The following RFX4 variants were observed in gnomAD, a reference collection of about 807,000 sequenced individuals.
RFX4 encodes the protein transcription factor RFX4.
Under a neutral mutation model 95.0 loss-of-function variants are expected in RFX4, and 10 were observed. The ratio of observed to expected loss-of-function variants is 0.11; its 90% CI spans 0.06 to 0.18. The LOEUF is 0.18. Ranked by LOEUF, RFX4 falls within the 10% of genes least tolerant of loss-of-function variation. RFX4 has a pLI of 1.00. For synonymous variants in RFX4, 321 were observed against 340.7 expected (o/e 0.94, Z 0.64); for missense variants, 640 against 922.0 (o/e 0.69, Z 3.96).
At chr12:106,626,698 G>T (rs1177256275) in intron 2 of RFX4, among the ~76,000 whole-genome samples, 1 of 152,132 alleles carries the variant, frequency 6.6e-6, no homozygotes, top group East Asian at 1.9e-4. Flanking sequence ...GTGTTAGAGG[G>T]TTTGAAGAAA....
chr12:106,629,838 T>C (rs1592870518), intron 2 of RFX4, among the ~76,000 whole-genome samples: 2 of 152,158 alleles, frequency 1.3e-5, no homozygotes, highest in South Asian at 4.1e-4. Context: ...GGCCTCAGCC[T>C]CCCAAAGTGT....
chr12:106,686,837 CTCT>C (rs757424376), intron 5 of RFX4, 44 bp from the exon 6 acceptor site: 1 of 1,505,816 alleles, frequency 6.6e-7, no homozygotes, highest in Non-Finnish European at 9.0e-7. Context: ...GTGGGTCTCT[CTCT>C]TTTTTTTTTT....
chr12:106,685,015 T>C, intron 5 of RFX4: 2 of 1,552,880 alleles, frequency 1.3e-6, no homozygotes, highest in Non-Finnish European at 1.7e-6. Context: ...CTCATCTGTA[T>C]GATTTTGTGA....
intron 17 of RFX4, among the ~76,000 whole-genome samples, chr12:106,752,169 T>G (rs897346005): frequency 9.9e-5 from 15 of 151,134 alleles, no homozygotes; most frequent in African/African-American, 3.7e-4. Context: ...TAGCCAGTTT[T>G]CCCAGCACCA....
chr12:106,684,636 G>T, intron 5 of RFX4: 12 of 1,344,958 alleles, frequency 8.9e-6, no homozygotes, highest in Non-Finnish European at 1.2e-5. Context: ...AGGTTACGGT[G>T]GTGTGTCATA....
intron 2 of RFX4, among the ~76,000 whole-genome samples, chr12:106,617,966 A>T (rs540798523): frequency 2.0e-5 from 3 of 152,224 alleles, no homozygotes; most frequent in Admixed American, 2.0e-4. Flanking sequence ...ACCTCAAGTG[A>T]TCCACCTGCC....
chr12:106,656,095 A>G (rs1268408534), intron 4 of RFX4, among the ~76,000 whole-genome samples: 4 of 152,022 alleles, frequency 2.6e-5, no homozygotes, highest in Non-Finnish European at 5.9e-5. Context: ...GTTTAAGCGC[A>G]CGCCTTCACC....
At chr12:106,583,409 A>C in intron 1 of RFX4, 46 bp downstream of exon 1, 1 of 1,504,550 alleles carries the variant, frequency 6.6e-7, no homozygotes, top group South Asian at 1.3e-5. Context: ...GGAGGGAAGG[A>C]GAAGGGAGAG....
chr12:106,654,811 TA>T (rs928265556), intron 4 of RFX4, among the ~76,000 whole-genome samples: 7 of 151,934 alleles, frequency 4.6e-5, no homozygotes, highest in Non-Finnish European at 8.8e-5. Context: ...TTCCACCTTA[TA>T]AAAAAAATGC....
chr12:106,654,166 CA>C, intron 3 of RFX4, 61 bp from the exon 4 acceptor site: 1 of 1,608,436 alleles, frequency 6.2e-7, no homozygotes, highest in Admixed American at 1.7e-5. Context: ...CTAGAAAGAA[CA>C]GACCGTTCTT....
At chr12:106,676,253 G>A (rs1173318366) in intron 4 of RFX4, among the ~76,000 whole-genome samples, 1 of 152,180 alleles carries the variant, frequency 6.6e-6, no homozygotes, top group Non-Finnish European at 1.5e-5. Context: ...CACAGGTAGT[G>A]AGGAGGGAGA....
intron 13 of RFX4, among the ~76,000 whole-genome samples, chr12:106,722,763 G>A (rs2042419746): frequency 1.3e-5 from 2 of 152,150 alleles, no homozygotes; most frequent in African/African-American, 2.4e-5. Flanking sequence ...CTGACTCATT[G>A]TTGAATTTTG....
chr12:106,707,140 T>C (rs2042099969), intron 8 of RFX4, among the ~76,000 whole-genome samples: 1 of 152,150 alleles, frequency 6.6e-6, no homozygotes, highest in African/African-American at 2.4e-5. Flanking sequence ...GGAGGTTTAT[T>C]ATACTACCTG....
intron 4 of RFX4, among the ~76,000 whole-genome samples, chr12:106,658,668 G>C (rs1259406511): frequency 6.6e-6 from 1 of 152,120 alleles, no homozygotes; most frequent in African/African-American, 2.4e-5. Flanking sequence ...TGCTCACTGG[G>C]GGCTTCTCCT....
At chr12:106,596,304 T>G (rs1049632061) in intron 1 of RFX4, among the ~76,000 whole-genome samples, 2 of 152,180 alleles carry the variant, frequency 1.3e-5, no homozygotes, top group Non-Finnish European at 2.9e-5. Flanking sequence ...CAAGCTCTCT[T>G]TGCCTGCTGC....
At chr12:106,684,944 G>GT (rs2041609858) in intron 5 of RFX4, 1 of 1,611,932 alleles carries the variant, frequency 6.2e-7, no homozygotes, top group Non-Finnish European at 8.5e-7. Flanking sequence ...GAGAGGGAAG[G>GT]TTTTGACGTG....
intron 8 of RFX4, among the ~76,000 whole-genome samples, chr12:106,703,698 C>A (rs1363991626): frequency 6.6e-6 from 1 of 152,104 alleles, no homozygotes; most frequent in Non-Finnish European, 1.5e-5. Context: ...TTGTGGGGTA[C>A]AAATGAAATG....
At chr12:106,735,058 A>AG (rs1555235565) in intron 15 of RFX4, among the ~76,000 whole-genome samples, 382 of 151,688 alleles carry the variant, frequency 2.5e-3, no homozygotes, top group African/African-American at 8.8e-3. Flanking sequence ...AAAAAAAAAA[A>AG]AAGAAGAAGA....
At chr12:106,682,982 A>T (rs559353611) in intron 5 of RFX4, 1 of 152,340 alleles carries the variant, frequency 6.6e-6, no homozygotes, top group South Asian at 2.1e-4. Flanking sequence ...TTACTGCAAG[A>T]CTTCTCAGAA....
Sources: allele counts gnomAD v4.1 joint callset (sites outside exome capture counted in the v4.1 genomes callset), GRCh38; gene constraint gnomAD v4.1.1; transcripts MANE v1.5; gene names NCBI Gene and HGNC (gene_info 2026-07-23, HGNC 2026-07-21).